ERAP1: variants seen among roughly 807,000 people sequenced by gnomAD.
ERAP1 encodes adipocyte-derived leucine aminopeptidase.
Under a neutral mutation model 103.7 loss-of-function variants are expected in ERAP1, and 86 were observed. The ratio of observed to expected loss-of-function variants is 0.83; its 90% CI spans 0.70 to 0.99. The LOEUF (loss-of-function observed/expected upper bound fraction) is 0.99, where lower values mean the gene tolerates loss of function less well. Among genes scored for constraint, ERAP1 ranks in the 50% least tolerant of loss-of-function variants. The pLI, the probability that ERAP1 is intolerant of heterozygous loss-of-function variation, is 0.00. For missense variants in ERAP1, 1,009 were observed against 1,128.4 expected (o/e 0.89, Z 1.52); for synonymous variants, 398 against 402.4 (o/e 0.99, Z 0.13).
chr5:96,900,597 A>G, the ERAP1 span, among the ~76,000 whole-genome samples: 1 of 152,196 alleles, frequency 6.6e-6, no homozygotes, highest in Non-Finnish European at 1.5e-5. Context: ...AGAGAAAAGA[A>G]AGTCATCACA....
At chr5:96,842,268 C>T in the ERAP1 span, among the ~76,000 whole-genome samples, 2 of 152,064 alleles carry the variant, frequency 1.3e-5, no homozygotes, top group African/African-American at 4.8e-5. Context: ...GTGTCTTTTT[C>T]ATATAACGAC....
chr5:96,855,431 A>G, the ERAP1 span, among the ~76,000 whole-genome samples: 4 of 152,208 alleles, frequency 2.6e-5, no homozygotes, highest in South Asian at 2.1e-4. Context: ...TATATCTCAC[A>G]CTGGAGACAA....
chr5:96,762,962 C>T, exon 20 of ERAP1: 1 of 568,986 alleles, frequency 1.8e-6, no homozygotes, highest in South Asian at 2.1e-5. Flanking sequence ...AAAGCTTTTC[C>T]AGACTTCCTT....
At chr5:96,828,488 G>T in the ERAP1 span, among the ~76,000 whole-genome samples, 1 of 152,056 alleles carries the variant, frequency 6.6e-6, no homozygotes, top group African/African-American at 2.4e-5. Flanking sequence ...ACAAATAAGT[G>T]AGAACTGATT....
At chr5:96,820,946 G>A in the ERAP1 span, among the ~76,000 whole-genome samples, 1 of 92,150 alleles carries the variant, frequency 1.1e-5, no homozygotes, top group Non-Finnish European at 2.7e-5. Context: ...AAACTTACAG[G>A]AGAAAGAAGA....
chr5:96,831,331 A>G, the ERAP1 span, among the ~76,000 whole-genome samples: 1 of 152,072 alleles, frequency 6.6e-6, no homozygotes, highest in South Asian at 2.1e-4. Flanking sequence ...CCATGATCCA[A>G]TCACCTCCCA....
the ERAP1 span, among the ~76,000 whole-genome samples, chr5:96,846,816 G>A: frequency 6.6e-6 from 1 of 151,818 alleles, no homozygotes; most frequent in Admixed American, 6.6e-5. Context: ...TGATTTCTCT[G>A]AAGAGTGCTG....
chr5:96,859,307 G>A, the ERAP1 span, among the ~76,000 whole-genome samples: 1 of 152,122 alleles, frequency 6.6e-6, no homozygotes, highest in Non-Finnish European at 1.5e-5. Context: ...CTGGAAAACA[G>A]AGTCCAAACA....
chr5:96,829,980 A>G, the ERAP1 span, among the ~76,000 whole-genome samples: 52 of 152,330 alleles, frequency 3.4e-4, no homozygotes, highest in African/African-American at 1.2e-3. Context: ...AAAAGCTTGA[A>G]AGATTTTAAA....
rs1202156591 is a variant in ERAP1 at position 96,803,455 on chromosome 5, T to C, written c.472A>G (p.Thr158Ala). 6.2e-7 allele frequency: 1 copy of C among 1,612,872 alleles called. No homozygotes were observed. Among genetic ancestry groups the C allele is most frequent in the East Asian group, 2.2e-5 (1 of 44,882 alleles). ...GTGCTTTTGTAAAATCCGTGGAAAGTCTCCGAAAGATTGCCAGCATAGTGA... is the reference window on the plus strand; with the variant it reads ...GTGCTTTTGTAAAATCCGTGGAAAGCCTCCGAAAGATTGCCAGCATAGTGA... ...VIHYAGNLSETFHGFYKSTYR... is the reference protein window; with the variant it reads ...VIHYAGNLSEAFHGFYKSTYR... Residue 158 changes from threonine to alanine, a missense_variant, in exon 2 of 19, where the codon ACT becomes GCT. Coordinates refer to ENST00000443439, the MANE Select transcript of ERAP1 (RefSeq NM_001040458.3).
At chr5:96,799,446 C>A (rs1777745357) in intron 3 of ERAP1, among the ~76,000 whole-genome samples, 1 of 151,438 alleles carries the variant, frequency 6.6e-6, no homozygotes, top group Non-Finnish European at 1.5e-5. Context: ...TTTTCCTATC[C>A]TCAAAAAAAA....
At chr5:96,892,082 C>T in the ERAP1 span, among the ~76,000 whole-genome samples, 153 of 152,298 alleles carry the variant, frequency 1.0e-3, no homozygotes, top group Non-Finnish European at 1.7e-3. Context: ...GTTACTTCAT[C>T]TACAAAACTC....
chr5:96,804,024 C>T (rs957032458), intron 1 of ERAP1, 81 bp from the exon 2 acceptor site: 2 of 1,489,346 alleles, frequency 1.3e-6, no homozygotes, highest in African/African-American at 2.7e-5. Context: ...ATGTATCCAC[C>T]CAGCATTCAC....
At chr5:96,854,827 G>A in the ERAP1 span, among the ~76,000 whole-genome samples, 11 of 152,048 alleles carry the variant, frequency 7.2e-5, no homozygotes, top group African/African-American at 2.7e-4. Flanking sequence ...CACTTCTATA[G>A]AAAGAAGTTT....
chr5:96,883,836 C>T, the ERAP1 span: 5 of 1,613,672 alleles, frequency 3.1e-6, no homozygotes, highest in Non-Finnish European at 4.2e-6. Context: ...GCACGCATGG[C>T]TTTCCCTTGC....
At chr5:96,871,990 C>A in the ERAP1 span, among the ~76,000 whole-genome samples, 2 of 152,056 alleles carry the variant, frequency 1.3e-5, no homozygotes, top group Non-Finnish European at 2.9e-5. Context: ...GGCTCTGAGT[C>A]TTTATACTAA....
At chr5:96,887,096 T>C in the ERAP1 span, among the ~76,000 whole-genome samples, 74,300 of 140,222 alleles carry the variant, frequency 0.53, 19,357 homozygotes, top group Middle Eastern at 0.63. Flanking sequence ...TATATATATA[T>C]ATATACACAC....
chr5:96,857,347 T>C, the ERAP1 span, among the ~76,000 whole-genome samples: 1 of 152,182 alleles, frequency 6.6e-6, no homozygotes, highest in Non-Finnish European at 1.5e-5. Context: ...CCTAGTTAAG[T>C]GAAGTACTTA....
chr5:96,934,091 T>C, the ERAP1 span: 1 of 152,380 alleles, frequency 6.6e-6, no homozygotes, highest in East Asian at 1.9e-4. Flanking sequence ...CCTTCACTTA[T>C]TCATGCAAAA....
Sources: gnomAD v4.1 joint callset for allele counts (sites outside exome capture counted in the v4.1 genomes callset) on GRCh38, gnomAD v4.1.1 for gene constraint, MANE v1.5 for transcripts, NCBI Gene and HGNC (gene_info 2026-07-23, HGNC 2026-07-21) for gene names.